MAP3K7: variants seen among roughly 807,000 people sequenced by gnomAD.
The protein encoded by MAP3K7 is TGF-beta activated kinase 1.
Under a neutral mutation model 84.8 loss-of-function variants are expected in MAP3K7, and 21 were observed. The observed-to-expected ratio is 0.25, with a 90% CI of 0.18 to 0.36. The LOEUF (loss-of-function observed/expected upper bound fraction) is 0.36, where lower values mean the gene tolerates loss of function less well. Ranked by LOEUF, MAP3K7 falls within the 10% of genes least tolerant of loss-of-function variation. The probability of loss-of-function intolerance (pLI) is 1.00; values close to 1 mark genes in which losing one functional copy is unlikely to be tolerated. For synonymous variants in MAP3K7, 241 were observed against 247.7 expected (o/e 0.97, Z 0.25); for missense variants, 503 against 747.7 (o/e 0.67, Z 3.82).
At chr6:90,552,772 A>G (rs1204283416) in intron 7 of MAP3K7, among the ~76,000 whole-genome samples, 1 of 152,230 alleles carries the variant, frequency 6.6e-6, no homozygotes, top group Non-Finnish European at 1.5e-5. Flanking sequence ...GTTAAAAACA[A>G]CATTACCAGA....
chr6:90,551,051 A>T (rs1323160392), intron 8 of MAP3K7: 1 of 152,880 alleles, frequency 6.5e-6, no homozygotes, highest in East Asian at 1.9e-4. Context: ...TTCTCCTCAA[A>T]TTAGACAAGG....
chr6:90,522,080 G>A (rs1314132688), intron 14 of MAP3K7, among the ~76,000 whole-genome samples: 1 of 151,174 alleles, frequency 6.6e-6, no homozygotes, highest in African/African-American at 2.5e-5. Context: ...ACTTAAACCA[G>A]AGCATCCATT....
rs1283852479 is a variant in MAP3K7 at position 90,516,252 on chromosome 6, T to G, written c.*249A>C. 3.8e-6 allele frequency: 2 copies of G among 529,494 alleles called. No individual in the cohort carries two copies. Among genetic ancestry groups the G allele is most frequent in the Non-Finnish European group, 3.3e-6 (1 of 299,082 alleles). The allele number at this position is 529,494 out of a possible 1,614,324, so 32.8% of individuals were successfully genotyped here. A position where few individuals can be genotyped will look rare whatever the true frequency, so the allele number is the denominator to read the frequency against. On this transcript the variant is annotated 3_prime_UTR_variant, in exon 17 of 17. Coordinates refer to ENST00000369329, the MANE Select transcript of MAP3K7 (RefSeq NM_145331.3). ...ATATACAGCCACAGTTCACTGCATC[T>G]GTTTTGAAGTTGCAAAGTGCTGCTC...
intron 13 of MAP3K7, among the ~76,000 whole-genome samples, chr6:90,528,830 G>A (rs1300105531): frequency 6.6e-6 from 1 of 152,134 alleles, no homozygotes; most frequent in Non-Finnish European, 1.5e-5. Flanking sequence ...TAACTTTGAA[G>A]AAAAACTGAT....
At chr6:90,570,582 T>C (rs9345031) in intron 2 of MAP3K7, among the ~76,000 whole-genome samples, 6,064 of 152,212 alleles carry the variant, frequency 0.04, 153 homozygotes, top group African/African-American at 0.065. Context: ...GTAGTTGTCT[T>C]TGGGAAGCAG....
intron 14 of MAP3K7, among the ~76,000 whole-genome samples, chr6:90,521,476 T>C (rs1377409666): frequency 6.6e-6 from 1 of 152,048 alleles, no homozygotes; most frequent in Non-Finnish European, 1.5e-5. Flanking sequence ...TAAAGAAAAG[T>C]CTCATCATTT....
chr6:90,539,558 G>A (rs1004394155), intron 12 of MAP3K7, among the ~76,000 whole-genome samples: 16 of 151,812 alleles, frequency 1.1e-4, no homozygotes, highest in Admixed American at 9.2e-4. Context: ...TCATATTGGT[G>A]CTGCAGTAGT....
intron 12 of MAP3K7, among the ~76,000 whole-genome samples, chr6:90,543,280 G>A: frequency 6.6e-6 from 1 of 152,020 alleles, no homozygotes; most frequent in East Asian, 1.9e-4. Context: ...CAATAGTAAT[G>A]ATGTTGTAAA....
At chr6:90,517,104 G>A (rs985762738) in intron 16 of MAP3K7, among the ~76,000 whole-genome samples, 1 of 151,804 alleles carries the variant, frequency 6.6e-6, no homozygotes, top group Non-Finnish European at 1.5e-5. Flanking sequence ...CTATAGCAGA[G>A]AGTGGTAAGC....
intron 9 of MAP3K7, among the ~76,000 whole-genome samples, chr6:90,549,951 A>G (rs531051880): frequency 2.0e-5 from 3 of 152,170 alleles, no homozygotes; most frequent in South Asian, 2.1e-4. Flanking sequence ...TATTTTGAGA[A>G]GTACAATATT....
Position 90,555,316 on chromosome 6 carries a change from C to T in MAP3K7, c.607+1184G>A, listed in dbSNP as rs34082320. On this transcript the variant is annotated intron_variant, in intron 6 of 16. Transcript: ENST00000369329. ...TGTCACCCAGGCTGGAGTGCAGTGG[C>T]ACGATCTCGGCTCACTGCATGCTCC... Among the ~76,000 whole-genome samples, 709 of 151,790 alleles carry T rather than the reference C, an allele frequency of 4.7e-3. 7 individuals carry two copies. The highest frequency in any genetic ancestry group is 0.016 in the African/African-American group (670 of 41,366).
intron 13 of MAP3K7, among the ~76,000 whole-genome samples, chr6:90,532,741 A>G (rs1230592677): frequency 6.6e-6 from 1 of 152,210 alleles, no homozygotes; most frequent in East Asian, 1.9e-4. Flanking sequence ...TAAAACATAA[A>G]TTTGTGCAGT....
intron 7 of MAP3K7, 24 bp downstream of exon 7, chr6:90,553,434 T>C (rs1353955769): frequency 6.2e-7 from 1 of 1,601,332 alleles, no homozygotes; most frequent in Non-Finnish European, 8.5e-7. Context: ...AAAGTACTTT[T>C]AAGAAAAATT....
chr6:90,537,700 A>T (rs1472236387), intron 12 of MAP3K7, among the ~76,000 whole-genome samples: 1 of 151,946 alleles, frequency 6.6e-6, no homozygotes, highest in East Asian at 1.9e-4. Flanking sequence ...AACTAAAACA[A>T]CAAAACTGTG....
chr6:90,571,352 G>A (rs1776893809), intron 2 of MAP3K7, among the ~76,000 whole-genome samples: 1 of 152,010 alleles, frequency 6.6e-6, no homozygotes, highest in African/African-American at 2.4e-5. Flanking sequence ...TAAAGTAAGT[G>A]TATAAAATTT....
At position 90,516,104 on chromosome 6, in the gene MAP3K7, A is replaced by C. The variant is rs1582151263; in HGVS notation, c.*397T>G. On this transcript the variant is annotated 3_prime_UTR_variant, in exon 17 of 17. Transcript: ENST00000369329. ...AAAATTATTAATATTTTGAGATGAG[A>C]TACAAGAATAAAGTCATTCTTGAGG... 5.5e-6 allele frequency: 1 copy of C among 181,750 alleles called. No individual in the cohort carries two copies. The highest frequency in any genetic ancestry group is 1.1e-5 in the Non-Finnish European group (1 of 87,612). 11.3% of individuals were successfully genotyped at this position (181,750 alleles called of 1,614,324 possible).
intron 2 of MAP3K7, among the ~76,000 whole-genome samples, 185 bp from the exon 3 acceptor site, chr6:90,568,808 A>G (rs1295042526): frequency 4.6e-5 from 7 of 152,230 alleles, no homozygotes; most frequent in Admixed American, 3.9e-4. Flanking sequence ...AGAATGGCAC[A>G]GAATCCCTGT....
intron 2 of MAP3K7, among the ~76,000 whole-genome samples, chr6:90,569,427 G>A (rs1362722625): frequency 1.3e-5 from 2 of 152,084 alleles, no homozygotes; most frequent in Admixed American, 6.6e-5. Flanking sequence ...CCATACAGAG[G>A]TCAATGAGGG....
chr6:90,567,804 G>C (rs1301684863), intron 3 of MAP3K7, among the ~76,000 whole-genome samples: 1 of 152,186 alleles, frequency 6.6e-6, no homozygotes, highest in African/African-American at 2.4e-5. Context: ...CAAAGACTTG[G>C]AACCAACCCA....
Sources: gnomAD v4.1 joint callset for allele counts (sites outside exome capture counted in the v4.1 genomes callset) on GRCh38, gnomAD v4.1.1 for gene constraint, MANE v1.5 for transcripts, NCBI Gene and HGNC (gene_info 2026-07-23, HGNC 2026-07-21) for gene names.